The following CD164 variants were observed in gnomAD, a reference collection of about 807,000 sequenced individuals.
CD164 encodes the protein CD164 molecule.
A neutral mutation model predicts 24.6 loss-of-function variants in CD164; 11 were observed. That is an observed-to-expected ratio of 0.45 (90% CI 0.28 to 0.74). The LOEUF (loss-of-function observed/expected upper bound fraction) is 0.74, where lower values mean the gene tolerates loss of function less well. Ranked by LOEUF, CD164 falls within the 30% of genes least tolerant of loss-of-function variation. The probability of loss-of-function intolerance (pLI) is 0.13; values close to 1 mark genes in which losing one functional copy is unlikely to be tolerated. For missense variants in CD164, 295 were observed against 243.7 expected (o/e 1.21, Z -1.40); for synonymous variants, 126 against 100.3 (o/e 1.26, Z -1.53).
intron 2 of CD164, 82 bp from the exon 3 acceptor site, chr6:109,378,053 A>C (rs1033167040): frequency 9.3e-5 from 111 of 1,195,140 alleles, no homozygotes; most frequent in Non-Finnish European, 1.3e-4. Flanking sequence ...AAGCTCTATG[A>C]AATCAAACCC....
At chr6:109,370,055 T>G (rs116027664) in intron 5 of CD164, among the ~76,000 whole-genome samples, 2,253 of 152,306 alleles carry the variant, frequency 0.015, 55 homozygotes, top group African/African-American at 0.052. Context: ...ATATATTATC[T>G]TCCCTCAAAT....
At chr6:109,381,314 G>A (rs930423706) in intron 1 of CD164, among the ~76,000 whole-genome samples, 2 of 152,146 alleles carry the variant, frequency 1.3e-5, no homozygotes, top group East Asian at 3.8e-4. Flanking sequence ...ACACGCTCCT[G>A]ATCGGGTTTT....
At chr6:109,374,796 GC>G (rs1253069883) in intron 4 of CD164, among the ~76,000 whole-genome samples, 2 of 152,160 alleles carry the variant, frequency 1.3e-5, no homozygotes, top group Non-Finnish European at 2.9e-5. Flanking sequence ...GTGCTGACCC[GC>G]TGCTCCACTT....
At chr6:109,381,710 C>G in intron 1 of CD164, 1 of 620,168 alleles carries the variant, frequency 1.6e-6, no homozygotes, top group Non-Finnish European at 2.9e-6. Flanking sequence ...CGAGCATTAC[C>G]GTCTTTAAGT....
chr6:109,379,156 A>T (rs902240536), intron 2 of CD164, among the ~76,000 whole-genome samples: 1 of 152,230 alleles, frequency 6.6e-6, no homozygotes, highest in Non-Finnish European at 1.5e-5. Context: ...AGTTTTCAAC[A>T]CAACCTTCAC....
chr6:109,381,332 C>T (rs1771727264), intron 1 of CD164, among the ~76,000 whole-genome samples: 1 of 152,152 alleles, frequency 6.6e-6, no homozygotes. Context: ...TTTAGAAAAC[C>T]CACAGACCTG....
In CD164 at chr6:109,367,488, A is replaced by G. The variant is rs1259091531; in HGVS notation, c.*1363T>C. 1 of 152,422 alleles carries G rather than the reference A, an allele frequency of 6.6e-6. No homozygotes were observed. Among genetic ancestry groups the G allele is most frequent in the African/African-American group, 2.4e-5 (1 of 41,470 alleles). 9.4% of individuals were successfully genotyped at this position (152,422 alleles called of 1,614,324 possible). ...TTAAAGCCTCTGCACTAGTCCAATG[A>G]GTCAAAGGCAAGGGAGAAGTAAACC... On this transcript the variant is annotated 3_prime_UTR_variant, in exon 6 of 6. Transcript: ENST00000310786.
In CD164 at chr6:109,377,901, G is replaced by A. The variant is rs199887608; in HGVS notation, c.330C>T (p.Ser110=). 129 of 1,611,998 alleles carry A rather than the reference G, an allele frequency of 8.0e-5. No individual in the cohort carries two copies. In the Middle Eastern group the frequency reaches 1.7e-3, roughly 21 times the overall value. ...CQVGNTTDFC[S]VSTATPVPTA... ...CAAGCAGCCAATATGAATACTTACC[G>A]GAACAGAAGTCTGTCGTGTTCCCCA... Residue 110 remains serine (S), a splice_region_variant and synonymous_variant, in exon 3 of 6, where the codon TCC becomes TCT. Transcript: ENST00000310786.
Position 109,382,409 on chromosome 6 carries a change from G to C in CD164, c.-31C>G, listed in dbSNP as rs748255704. ...CCTCAGCGCTGGCGTTCGGGAGAAA[G>C]CTAAGGCTCGCAACGCTCAGTCAAC... On this transcript the variant is annotated 5_prime_UTR_variant, in exon 1 of 6. Coordinates refer to ENST00000310786, the MANE Select transcript of CD164 (RefSeq NM_006016.6). 4.0e-5 allele frequency: 59 copies of C among 1,484,594 alleles called. No homozygotes were observed. The highest frequency in any genetic ancestry group is 5.1e-5 in the Non-Finnish European group (57 of 1,115,438). 92.0% of individuals were successfully genotyped at this position (1,484,594 alleles called of 1,614,324 possible).
intron 5 of CD164, among the ~76,000 whole-genome samples, chr6:109,370,050 T>C (rs1770989953): frequency 6.6e-6 from 1 of 152,212 alleles, no homozygotes; most frequent in African/African-American, 2.4e-5. Flanking sequence ...GACGGATATA[T>C]TATCTTCCCT....
intron 2 of CD164, 128 bp from the exon 3 acceptor site, chr6:109,378,099 G>A: frequency 1.4e-6 from 1 of 692,392 alleles, no homozygotes; most frequent in South Asian, 1.8e-5. Context: ...AACCACTTTA[G>A]GTGTTTTGAC....
At chr6:109,373,400 G>A (rs565168285) in intron 4 of CD164, among the ~76,000 whole-genome samples, 13 of 152,072 alleles carry the variant, frequency 8.5e-5, no homozygotes, top group Admixed American at 3.9e-4. Flanking sequence ...TTCGGCAGAC[G>A]GTACACATGC....
In CD164 at chr6:109,382,405, G is replaced by GT. The variant is rs755064431; in HGVS notation, c.-28_-27insA. ...GTGTCCTCAGCGCTGGCGTTCGGGAGAAAGCTAAGGCTCGCAACGCTCAGT... is the reference window on the plus strand; with the variant it reads ...GTGTCCTCAGCGCTGGCGTTCGGGAGTAAAGCTAAGGCTCGCAACGCTCAGT... On this transcript the variant is annotated 5_prime_UTR_variant, in exon 1 of 6. Transcript: ENST00000310786. 26 of 1,495,880 alleles carry GT rather than the reference G, an allele frequency of 1.7e-5. No homozygotes were observed. Among genetic ancestry groups the GT allele is most frequent in the Non-Finnish European group, 1.8e-5 (20 of 1,122,394 alleles). 92.7% of individuals were successfully genotyped at this position (1,495,880 alleles called of 1,614,324 possible).
intron 2 of CD164, 146 bp from the exon 3 acceptor site, chr6:109,378,117 T>G (rs1771524607): frequency 2.0e-5 from 12 of 611,018 alleles, no homozygotes; most frequent in East Asian, 1.4e-4. Context: ...GACCTAAAGT[T>G]AAACCCACAG....
chr6:109,379,071 C>T (rs1771586647), intron 2 of CD164, among the ~76,000 whole-genome samples: 1 of 152,200 alleles, frequency 6.6e-6, no homozygotes. Context: ...GTCAACTCTC[C>T]CTACCTCTTT....
chr6:109,382,364 G>C lies in CD164; in HGVS notation c.15C>G (p.Ser5=), dbSNP rs373195063. The C allele has an allele frequency of 6.5e-7, 1 of 1,547,650 alleles. No individual in the cohort carries two copies. The highest frequency in any genetic ancestry group is 1.9e-5 in the Admixed American group (1 of 51,904). The change falls in exon 1 of 6, where the codon TCC becomes TCG. Residue 5 remains serine, a synonymous_variant. Transcript: ENST00000310786. MSRL[S]RSLLWAATCL... ...AGGTGGCGGCCCAAAGCAGTGAGCG[G>C]GAGAGCCGCGACATCGTGTCCTCAG...
chr6:109,377,761 AT>A (rs1317305445), intron 3 of CD164, 138 bp downstream of exon 3: 3 of 674,840 alleles, frequency 4.4e-6, no homozygotes, highest in Non-Finnish European at 8.0e-6. Context: ...CAATATGAAT[AT>A]ACTATTCATA....
intron 2 of CD164, among the ~76,000 whole-genome samples, chr6:109,379,364 A>C (rs139924720): frequency 3.7e-4 from 57 of 152,320 alleles, no homozygotes; most frequent in African/African-American, 1.3e-3. Context: ...ACTGAGCTTT[A>C]ATTATCAAGT....
chr6:109,372,647 G>T (rs1340140530), intron 4 of CD164: 1 of 152,054 alleles, frequency 6.6e-6, no homozygotes, highest in African/African-American at 2.4e-5. Context: ...CTTATCTCTG[G>T]TAAGACTGGT....
Sources: gnomAD v4.1 joint callset for allele counts (sites outside exome capture counted in the v4.1 genomes callset) on GRCh38, gnomAD v4.1.1 for gene constraint, MANE v1.5 for transcripts, NCBI Gene and HGNC (gene_info 2026-07-23, HGNC 2026-07-21) for gene names.